NRDE2: variants seen among roughly 807,000 people sequenced by gnomAD.
NRDE2 encodes nuclear exosome regulator NRDE2.
NRDE2 carries 76 observed loss-of-function variants against 124.2 expected under a neutral mutation model. That is an observed-to-expected ratio of 0.61 (90% CI 0.51 to 0.74). The LOEUF is 0.74. Among genes scored for constraint, NRDE2 ranks in the 30% least tolerant of loss-of-function variants. NRDE2 has a pLI of 0.00. For synonymous variants in NRDE2, 489 were observed against 528.1 expected, an observed-to-expected ratio of 0.93 and a Z score of 1.01; for missense variants, 1,314 against 1,417.3, an observed-to-expected ratio of 0.93 and a Z score of 1.17.
intron 9 of NRDE2, among the ~76,000 whole-genome samples, chr14:90,291,222 C>A (rs1029479766): frequency 7.2e-5 from 11 of 152,152 alleles, no homozygotes; most frequent in African/African-American, 2.4e-4. Context: ...AATTTAAAAA[C>A]ATAAGGGCCA....
chr14:90,307,985 C>G (rs1223131089), intron 4 of NRDE2, among the ~76,000 whole-genome samples: 1 of 152,134 alleles, frequency 6.6e-6, no homozygotes, highest in African/African-American at 2.4e-5. Context: ...TGGCCTGAAG[C>G]GATCCTCCTG....
Position 90,273,826 on chromosome 14 carries a change from C to T in NRDE2, c.*4510G>A, listed in dbSNP as rs763270442. 8 of 154,888 alleles carry T rather than the reference C, an allele frequency of 5.2e-5. No homozygotes were observed. The highest frequency in any genetic ancestry group is 7.3e-5 in the Non-Finnish European group (5 of 68,286). The allele number at this position is 154,888 out of a possible 1,614,324, so 9.6% of individuals were successfully genotyped here. On this transcript the variant is annotated 3_prime_UTR_variant, in exon 14 of 14. Transcript: ENST00000354366. Reference sequence around the variant, plus strand: ...GTGAAGGCCACCCTCCCTCCTGACTCGTGGCACTTCATTTTCCACCAGCAG... The same window carrying T: ...GTGAAGGCCACCCTCCCTCCTGACTTGTGGCACTTCATTTTCCACCAGCAG...
intron 1 of NRDE2, among the ~76,000 whole-genome samples, chr14:90,319,763 T>G (rs1885176457): frequency 6.6e-6 from 1 of 152,224 alleles, no homozygotes; most frequent in Non-Finnish European, 1.5e-5. Flanking sequence ...TCTTTTTAGC[T>G]AATATGAATA....
intron 7 of NRDE2, 126 bp downstream of exon 7, chr14:90,301,110 TATG>T (rs1461679119): frequency 1.2e-6 from 1 of 861,376 alleles, no homozygotes. Context: ...TAAAGGAGGA[TATG>T]ATATTTTAAA....
intron 1 of NRDE2, among the ~76,000 whole-genome samples, chr14:90,321,670 G>A (rs535411985): frequency 6.6e-6 from 1 of 152,154 alleles, no homozygotes; most frequent in African/African-American, 2.4e-5. Flanking sequence ...GGAGCAAAAG[G>A]TATTTTCATC....
intron 3 of NRDE2, among the ~76,000 whole-genome samples, chr14:90,315,805 A>C (rs1885021948): frequency 6.6e-6 from 1 of 151,796 alleles, no homozygotes; most frequent in Admixed American, 6.6e-5. Context: ...AAAATACAAA[A>C]AATTAGCCAG....
Position 90,269,379 on chromosome 14 carries a change from C to CTTTT in NRDE2, c.*8953_*8956dup. 11 of 1,404,716 alleles carry CTTTT rather than the reference C, an allele frequency of 7.8e-6. No homozygotes were observed. The highest frequency in any genetic ancestry group is 3.9e-5 in the Admixed American group (2 of 50,854). 87.0% of individuals were successfully genotyped at this position (1,404,716 alleles called of 1,614,324 possible). A position where few individuals can be genotyped will look rare whatever the true frequency, so the allele number is the denominator to read the frequency against. On this transcript the variant is annotated 3_prime_UTR_variant, in exon 14 of 14. Transcript: ENST00000354366. Reference sequence around the variant, plus strand: ...GATCAGTTGAGTCTTCATTCCTTCCCTTTTTTTTTTTCCAAAGATATGACT... The same window carrying CTTTT: ...GATCAGTTGAGTCTTCATTCCTTCCCTTTTTTTTTTTTTTTCCAAAGATATGACT...
intron 4 of NRDE2, among the ~76,000 whole-genome samples, chr14:90,308,894 G>C (rs1884717043): frequency 6.6e-6 from 1 of 152,024 alleles, no homozygotes; most frequent in African/African-American, 2.4e-5. Context: ...CTAAACCAAG[G>C]AGCACGGACC....
chr14:90,309,525 C>A (rs1462323305), intron 4 of NRDE2, among the ~76,000 whole-genome samples: 2 of 151,588 alleles, frequency 1.3e-5, no homozygotes, highest in African/African-American at 4.8e-5. Context: ...TCTCCATAAC[C>A]CAATCAAATC....
At position 90,275,628 on chromosome 14, in the gene NRDE2, C is replaced by T. The variant is rs535764875; in HGVS notation, c.*2708G>A. The T allele has an allele frequency of 3.3e-5, 5 of 152,322 alleles. No individual in the cohort carries two copies. The East Asian group carries it at 7.7e-4, about 24-fold the overall frequency. 9.4% of individuals were successfully genotyped at this position (152,322 alleles called of 1,614,324 possible). On this transcript the variant is annotated 3_prime_UTR_variant, in exon 14 of 14. Coordinates refer to ENST00000354366, the MANE Select transcript of NRDE2 (RefSeq NM_017970.4). ...GACCAAAATGCTGAAATTACCGTTT[C>T]GGCAGCTGGTCACTGAGGCCTGCGG... is the stretch of plus-strand genomic sequence containing the variant.
intron 11 of NRDE2, among the ~76,000 whole-genome samples, chr14:90,287,032 T>TAAAA (rs1343012108): frequency 2.1e-4 from 2 of 9,390 alleles, no homozygotes; most frequent in Non-Finnish European, 5.2e-4. Flanking sequence ...AGACTCCGTC[T>TAAAA]CAAAAAAAAA....
At chr14:90,328,004 G>A (rs558898312) in intron 1 of NRDE2, among the ~76,000 whole-genome samples, 219 of 152,180 alleles carry the variant, frequency 1.4e-3, no homozygotes, top group African/African-American at 5.1e-3. Flanking sequence ...TTAGCCAGGC[G>A]TGGTGGCAAG....
intron 4 of NRDE2, among the ~76,000 whole-genome samples, chr14:90,306,747 T>C (rs927156639): frequency 2.0e-5 from 3 of 151,952 alleles, no homozygotes; most frequent in Admixed American, 1.3e-4. Flanking sequence ...GAGGCAGAGG[T>C]TGCAGTGAGC....
chr14:90,317,202 T>A (rs1157214848), intron 2 of NRDE2, among the ~76,000 whole-genome samples: 1 of 152,132 alleles, frequency 6.6e-6, no homozygotes, highest in Non-Finnish European at 1.5e-5. Flanking sequence ...CTGAAGGTGC[T>A]TGGGAGTTTG....
intron 9 of NRDE2, among the ~76,000 whole-genome samples, chr14:90,292,311 AG>A (rs1157933936): frequency 3.9e-5 from 6 of 152,214 alleles, no homozygotes; most frequent in African/African-American, 1.4e-4. Context: ...AGTGGACACA[AG>A]GAAAGAATCT....
intron 10 of NRDE2, 98 bp from the exon 11 acceptor site, chr14:90,289,243 C>A (rs549636222): frequency 2.1e-6 from 2 of 936,858 alleles, no homozygotes; most frequent in East Asian, 4.8e-5. Flanking sequence ...AAGGCGTCTA[C>A]GCTTCCTCCC....
rs1290171611 is a variant in NRDE2, at chr14:90,278,565, TC to T, written c.3370-105del. The T allele has an allele frequency of 2.7e-6, 4 of 1,460,668 alleles. No homozygotes were observed. In the African/African-American group the frequency reaches 5.6e-5, roughly 20 times the overall value. 90.5% of individuals were successfully genotyped at this position (1,460,668 alleles called of 1,614,324 possible). ...GGTTCCTGGTGACCCTGCCCTCCTG[TC>T]GCCCTCCACGGCCCCTGCTCCCCTT... is the stretch of plus-strand genomic sequence containing the variant. On this transcript the variant is annotated intron_variant, in intron 13 of 13. Transcript: ENST00000354366.
intron 10 of NRDE2, 31 bp downstream of exon 10, chr14:90,290,188 TCC>T: frequency 6.3e-7 from 1 of 1,597,048 alleles, no homozygotes. Flanking sequence ...AAATGAAAAG[TCC>T]CCAAACATGG....
At chr14:90,313,653 C>T (rs993086455) in intron 3 of NRDE2, among the ~76,000 whole-genome samples, 1 of 152,166 alleles carries the variant, frequency 6.6e-6, no homozygotes, top group Admixed American at 6.6e-5. Context: ...CATCTTCTTC[C>T]TCTAAAGAAA....
Sources: gnomAD v4.1 joint callset for allele counts (sites outside exome capture counted in the v4.1 genomes callset) on GRCh38, gnomAD v4.1.1 for gene constraint, MANE v1.5 for transcripts, NCBI Gene and HGNC (gene_info 2026-07-23, HGNC 2026-07-21) for gene names.